The following SFT2D2 variants were observed in gnomAD, a reference collection of about 807,000 sequenced individuals.
The protein encoded by SFT2D2 is vesicle transport protein SFT2B.
In SFT2D2, 21 loss-of-function variants were observed where a neutral mutation model predicts 27.4. The observed-to-expected ratio is 0.77, with a 90% CI of 0.54 to 1.10. The LOEUF (loss-of-function observed/expected upper bound fraction) is 1.10, where lower values mean the gene tolerates loss of function less well. SFT2D2 is among the 50% of genes least tolerant of loss of function. The pLI is 0.00. For missense variants in SFT2D2, 187 were observed against 194.2 expected (o/e 0.96, Z 0.22); for synonymous variants, 72 against 71.7 (o/e 1.00, Z -0.02).
rs1325829248 is a variant in SFT2D2 at position 168,250,565 on chromosome 1, G to A, written c.*8025G>A. On this transcript the variant is annotated 3_prime_UTR_variant, in exon 8 of 8. Transcript: ENST00000271375. ...CACTGTCCTGGCGTGATCTGCCCTG[G>A]GCTGTTGGCTCTCTGAGTGCTGTCT... is the stretch of plus-strand genomic sequence containing the variant. 3 of 152,416 alleles carry A rather than the reference G, an allele frequency of 2.0e-5. No individual in the cohort carries two copies. Among genetic ancestry groups the A allele is most frequent in the African/African-American group, 7.2e-5 (3 of 41,424 alleles). The allele number at this position is 152,416 out of a possible 1,614,324, so 9.4% of individuals were successfully genotyped here. A position where few individuals can be genotyped will look rare whatever the true frequency, so the allele number is the denominator to read the frequency against.
rs147862275 is a variant in SFT2D2 at position 168,243,874 on chromosome 1, C to T, written c.*1334C>T. ...TGCCCATCTCTTTTGGAAGCTTCTT[C>T]CTGGATCTGCAGGATGTTCACTGTC... is the stretch of plus-strand genomic sequence containing the variant. On this transcript the variant is annotated 3_prime_UTR_variant, in exon 8 of 8. Transcript: ENST00000271375. 2.0e-5 allele frequency: 3 copies of T among 152,830 alleles called. No individual in the cohort carries two copies. The highest frequency in any genetic ancestry group is 7.2e-5 in the African/African-American group (3 of 41,564). The allele number at this position is 152,830 out of a possible 1,614,324, so 9.5% of individuals were successfully genotyped here.
At chr1:168,231,271 C>G (rs930271109) in intron 1 of SFT2D2, among the ~76,000 whole-genome samples, 2 of 152,158 alleles carry the variant, frequency 1.3e-5, no homozygotes, top group Admixed American at 6.6e-5. Flanking sequence ...CAAGGAGTTT[C>G]TACCTCTGAA....
chr1:168,237,566 A>G (rs1486046881), intron 6 of SFT2D2, among the ~76,000 whole-genome samples: 1 of 152,310 alleles, frequency 6.6e-6, no homozygotes. Context: ...TTCAGTATAG[A>G]TGTGACTCAC....
intron 3 of SFT2D2, 56 bp downstream of exon 3, chr1:168,231,975 T>G (rs559175164): frequency 6.7e-7 from 1 of 1,494,840 alleles, no homozygotes; most frequent in South Asian, 1.1e-5. Flanking sequence ...AAAATGGATG[T>G]TGGTTGCCCT....
intron 3 of SFT2D2, among the ~76,000 whole-genome samples, chr1:168,233,896 C>G (rs188943760): frequency 2.6e-4 from 40 of 152,324 alleles, no homozygotes; most frequent in African/African-American, 9.1e-4. Context: ...CCAGCCTTGA[C>G]TGTTGCTTCT....
chr1:168,246,249 C>A lies in SFT2D2; in HGVS notation c.*3709C>A. On this transcript the variant is annotated 3_prime_UTR_variant, in exon 8 of 8. Transcript: ENST00000271375. ...TTGAAGATTTTGTGCTGTAGCATCACATTTGGCTTGACTATCAATTACTGT... is the reference window on the plus strand; with the variant it reads ...TTGAAGATTTTGTGCTGTAGCATCAAATTTGGCTTGACTATCAATTACTGT... 2.8e-6 allele frequency: 1 copy of A among 353,102 alleles called. No individual in the cohort carries two copies. Among genetic ancestry groups the A allele is most frequent in the Non-Finnish European group, 5.5e-6 (1 of 183,436 alleles). 21.9% of individuals were successfully genotyped at this position (353,102 alleles called of 1,614,324 possible).
chr1:168,234,747 A>G (rs1260519208), intron 3 of SFT2D2, among the ~76,000 whole-genome samples: 1 of 152,088 alleles, frequency 6.6e-6, no homozygotes, highest in Non-Finnish European at 1.5e-5. Context: ...ATGAGTAGTT[A>G]TTGTCAGGGA....
intron 7 of SFT2D2, among the ~76,000 whole-genome samples, chr1:168,239,457 GTTTTTTTTT>G (rs34187475): frequency 2.3e-5 from 3 of 129,512 alleles, no homozygotes; most frequent in African/African-American, 8.6e-5. Context: ...TTTGAGTAGG[GTTTTTTTTT>G]TTTTTTTTTT....
In SFT2D2 at chr1:168,235,178, T is replaced by G; in HGVS notation, c.314T>G (p.Val105Gly). Residue 105 changes from valine to glycine, a missense_variant, in exon 4 of 8, where the codon GTG (valine) becomes GGG (glycine). Coordinates refer to ENST00000271375, the MANE Select transcript of SFT2D2 (RefSeq NM_199344.3). Reference sequence around the variant, plus strand: ...ACTCGTTTGATTGCAACTATCATGGTGCTGGTAAGGTCTGCTTTTTAGCTG... The same window carrying G: ...ACTCGTTTGATTGCAACTATCATGGGGCTGGTAAGGTCTGCTTTTTAGCTG... The part of the protein sequence containing the change: ...EPTRLIATIM[V>G]LLCFALTLCS... The G allele has an allele frequency of 1.2e-6, 2 of 1,614,234 alleles. No homozygotes were observed. Among genetic ancestry groups the G allele is most frequent in the African/African-American group, 2.7e-5 (2 of 75,076 alleles).
At position 168,226,130 on chromosome 1, in the gene SFT2D2, C is replaced by T. The variant is rs144712503; in HGVS notation, c.51C>T (p.Ser17=). The change falls in exon 1 of 8, where the codon AGC becomes AGT. Residue 17 remains serine (S), a synonymous_variant. Coordinates refer to ENST00000271375, the MANE Select transcript of SFT2D2 (RefSeq NM_199344.3). ...GCGGGCAGGACACGGAGGACCGGAG[C>T]GGCCTGTCCGAGGTGAGTGAGCCCG... ...VLSGQDTEDR[S]GLSEVVEASS... 356 of 1,534,174 alleles carry T rather than the reference C, an allele frequency of 2.3e-4. 1 individual carries two copies. The East Asian group carries it at 7.4e-3, about 32-fold the overall frequency.
At chr1:168,229,127 A>T (rs16860204) in intron 1 of SFT2D2, among the ~76,000 whole-genome samples, 13,978 of 152,152 alleles carry the variant, frequency 0.092, 657 homozygotes, top group African/African-American at 0.12. Context: ...AGACTTGGAT[A>T]TGGAGTGTCA....
intron 4 of SFT2D2, among the ~76,000 whole-genome samples, chr1:168,235,871 A>G (rs151336203): frequency 6.6e-6 from 1 of 152,344 alleles, no homozygotes; most frequent in African/African-American, 2.4e-5. Flanking sequence ...AGTTTCATTT[A>G]TATAATCTCA....
intron 7 of SFT2D2, among the ~76,000 whole-genome samples, chr1:168,241,296 C>T (rs1289770637): frequency 6.7e-6 from 1 of 148,892 alleles, no homozygotes; most frequent in Non-Finnish European, 1.5e-5. Flanking sequence ...CAGTCTCCAA[C>T]CTCCTGGCTT....
intron 4 of SFT2D2, among the ~76,000 whole-genome samples, chr1:168,236,341 G>C (rs531425968): frequency 1.3e-5 from 2 of 152,332 alleles, no homozygotes; most frequent in South Asian, 4.1e-4. Context: ...AATGTGATTT[G>C]TTTGCTGGGC....
At chr1:168,239,342 A>G (rs964353119) in intron 7 of SFT2D2, among the ~76,000 whole-genome samples, 182 bp downstream of exon 7, 14 of 152,148 alleles carry the variant, frequency 9.2e-5, no homozygotes, top group Non-Finnish European at 1.9e-4. Flanking sequence ...TAATTATACA[A>G]CTAATGATGG....
rs1013769342 is a variant in SFT2D2, at chr1:168,247,682, A to G, written c.*5142A>G. 1 of 152,244 alleles carries G rather than the reference A, an allele frequency of 6.6e-6. No homozygotes were observed. Among genetic ancestry groups the G allele is most frequent in the Non-Finnish European group, 1.5e-5 (1 of 68,054 alleles). 9.4% of individuals were successfully genotyped at this position (152,244 alleles called of 1,614,324 possible). On this transcript the variant is annotated 3_prime_UTR_variant, in exon 8 of 8. Transcript: ENST00000271375. Reference sequence around the variant, plus strand: ...TAGAATGATTTATAACCCTTTGGGTATATACCCAGTAATGAGATTGCTGGG... The same window carrying G: ...TAGAATGATTTATAACCCTTTGGGTGTATACCCAGTAATGAGATTGCTGGG...
In SFT2D2 at chr1:168,247,672, C is replaced by A. The variant is rs555397382; in HGVS notation, c.*5132C>A. On this transcript the variant is annotated 3_prime_UTR_variant, in exon 8 of 8. Transcript: ENST00000271375. ...GTCTTTATAGTAGAATGATTTATAA[C>A]CCTTTGGGTATATACCCAGTAATGA... 2 of 152,264 alleles carry A rather than the reference C, an allele frequency of 1.3e-5. No individual in the cohort carries two copies. Among genetic ancestry groups the A allele is most frequent in the East Asian group, 3.9e-4 (2 of 5,184 alleles). The allele number at this position is 152,264 out of a possible 1,614,324, so 9.4% of individuals were successfully genotyped here. A position where few individuals can be genotyped will look rare whatever the true frequency, so the allele number is the denominator to read the frequency against.
At chr1:168,231,656 C>T in intron 2 of SFT2D2, 56 bp downstream of exon 2, 1 of 1,556,184 alleles carries the variant, frequency 6.4e-7, no homozygotes, top group East Asian at 2.2e-5. Context: ...GCTATATATT[C>T]CCCCTTTTGT....
intron 7 of SFT2D2, among the ~76,000 whole-genome samples, chr1:168,241,475 G>A (rs1382219998): frequency 2.0e-5 from 3 of 152,126 alleles, no homozygotes; most frequent in South Asian, 4.2e-4. Context: ...TTACAGGTCC[G>A]AACCACCATG....
Sources: gnomAD v4.1 joint callset for allele counts (sites outside exome capture counted in the v4.1 genomes callset) on GRCh38, gnomAD v4.1.1 for gene constraint, MANE v1.5 for transcripts, NCBI Gene and HGNC (gene_info 2026-07-23, HGNC 2026-07-21) for gene names.